PTPRD: variants seen among roughly 807,000 people sequenced by gnomAD.
PTPRD encodes protein tyrosine phosphatase receptor type D.
Under a neutral mutation model 214.5 loss-of-function variants are expected in PTPRD, and 34 were observed. That is an observed-to-expected ratio of 0.16 (90% confidence interval 0.12 to 0.21). PTPRD has a LOEUF of 0.21. Among genes scored for constraint, PTPRD ranks in the 10% least tolerant of loss-of-function variants. The probability of loss-of-function intolerance (pLI) is 1.00; values close to 1 mark genes in which losing one functional copy is unlikely to be tolerated. For synonymous variants in PTPRD, 1,128 were observed against 845.7 expected (o/e 1.33, Z -5.79); for missense variants, 2,545 against 2,398.7 (o/e 1.06, Z -1.27).
In PTPRD at chr9:10,265,006, C is replaced by T. The variant is rs952158856; in HGVS notation, c.-545+75957G>A. On this transcript the variant is annotated intron_variant, in intron 3 of 45. Transcript: ENST00000381196. The stretch of plus-strand genomic sequence containing the variant: ...TTGCCTGACACCATGTTTGACATGG[C>T]CTTCACCTTCCACCATGACTGTGAG... Among the ~76,000 whole-genome samples the T allele has an allele frequency of 2.6e-5, 4 of 152,118 alleles. No individual in the cohort carries two copies. The East Asian group carries it at 7.7e-4, about 29-fold the overall frequency.
intron 4 of PTPRD, among the ~76,000 whole-genome samples, chr9:9,964,652 A>G (rs1279559965): frequency 6.6e-6 from 1 of 152,204 alleles, no homozygotes; most frequent in Non-Finnish European, 1.5e-5. Flanking sequence ...TTTTTAAAAA[A>G]TGTTTAGTTT....
chr9:8,978,721 G>C (rs561664237), intron 11 of PTPRD, among the ~76,000 whole-genome samples: 3 of 152,114 alleles, frequency 2.0e-5, no homozygotes, highest in African/African-American at 7.2e-5. Context: ...TACTGCTTTG[G>C]AGGGAGAGAC....
At chr9:8,767,636 C>T (rs1644226024) in intron 11 of PTPRD, among the ~76,000 whole-genome samples, 1 of 152,078 alleles carries the variant, frequency 6.6e-6, no homozygotes, top group Non-Finnish European at 1.5e-5. Context: ...ACTCTAAAAG[C>T]TTTGTTAGGA....
chr9:10,181,410 G>A (rs1488913611), intron 3 of PTPRD, among the ~76,000 whole-genome samples: 1 of 152,078 alleles, frequency 6.6e-6, no homozygotes, highest in East Asian at 1.9e-4. Context: ...CAGTTGAAGT[G>A]ACTTGACATT....
chr9:9,111,973 C>T (rs1025222295), intron 10 of PTPRD, among the ~76,000 whole-genome samples: 1 of 152,060 alleles, frequency 6.6e-6, no homozygotes, highest in African/African-American at 2.4e-5. Flanking sequence ...AAATGGGGGT[C>T]CAGGCCATTG....
rs777910266 is a variant in PTPRD at position 9,058,442 on chromosome 9, G to GTTT, written c.-142-39710_-142-39708dup. ...TATTGGTGAGAGAAATATTATGAGG[G>GTTT]TTTTTTTTTTTTTTTTTTTTTTTTT... On this transcript the variant is annotated intron_variant, in intron 10 of 45. Coordinates refer to ENST00000381196, the MANE Select transcript of PTPRD (RefSeq NM_002839.4). 1.3e-3 allele frequency among the ~76,000 whole-genome samples: 90 copies of GTTT among 69,908 alleles called. 13 individuals are homozygous for GTTT. The highest frequency in any genetic ancestry group is 1.9e-3 in the Non-Finnish European group (73 of 38,070). The allele number at this position is 69,908 out of a possible 152,430, so 45.9% of individuals were successfully genotyped here. A position where few individuals can be genotyped will look rare whatever the true frequency, so the allele number is the denominator to read the frequency against.
intron 10 of PTPRD, among the ~76,000 whole-genome samples, chr9:9,077,353 G>C (rs2099752783): frequency 1.5e-5 from 2 of 130,684 alleles, no homozygotes; most frequent in Non-Finnish European, 1.7e-5. Context: ...CATAGAAGCA[G>C]AATGGGGATG....
chr9:9,867,937 C>G (rs2064400629), intron 5 of PTPRD, among the ~76,000 whole-genome samples: 1 of 152,150 alleles, frequency 6.6e-6, no homozygotes, highest in Admixed American at 6.5e-5. Flanking sequence ...ATGAGTAAGA[C>G]TGTTTTTCTC....
At chr9:9,710,627 T>A (rs1267686110) in intron 7 of PTPRD, among the ~76,000 whole-genome samples, 1 of 152,046 alleles carries the variant, frequency 6.6e-6, no homozygotes, top group Non-Finnish European at 1.5e-5. Flanking sequence ...TTTAGGAGAT[T>A]CATAAGATAA....
intron 14 of PTPRD, among the ~76,000 whole-genome samples, chr9:8,589,114 T>C (rs1171368955): frequency 6.6e-6 from 1 of 152,210 alleles, no homozygotes; most frequent in Non-Finnish European, 1.5e-5. Context: ...TTATTCAGAA[T>C]TTCTAGCGCA....
rs542670825 is a variant in PTPRD, at chr9:9,302,216, C to T, written c.-203+95233G>A. ...TCTTTTTTTAAATTGCTTTTTTTCC[C>T]GAAAATATGTTATGGCATTTCCTTC... is the stretch of plus-strand genomic sequence containing the variant. On this transcript the variant is annotated intron_variant, in intron 9 of 45. Transcript: ENST00000381196. 4.0e-5 allele frequency among the ~76,000 whole-genome samples: 6 copies of T among 151,722 alleles called. No individual in the cohort carries two copies. In the South Asian group the frequency reaches 6.2e-4, roughly 16 times the overall value.
chr9:9,684,178 C>G (rs978877314), intron 7 of PTPRD, among the ~76,000 whole-genome samples: 2 of 151,574 alleles, frequency 1.3e-5, no homozygotes, highest in African/African-American at 4.8e-5. Flanking sequence ...AAAAAAAGAC[C>G]TTTTAACATT....
At chr9:9,473,350 T>C (rs2094770710) in intron 8 of PTPRD, among the ~76,000 whole-genome samples, 1 of 152,220 alleles carries the variant, frequency 6.6e-6, no homozygotes, top group African/African-American at 2.4e-5. Context: ...TGTGCATATA[T>C]AACACATACT....
chr9:8,794,510 T>A, intron 11 of PTPRD, among the ~76,000 whole-genome samples: 1 of 38,072 alleles, frequency 2.6e-5, no homozygotes, highest in East Asian at 4.7e-4. Flanking sequence ...ACAGAAGCCA[T>A]TTTTTTTTTT....
At chr9:9,125,013 C>T (rs368989533) in intron 10 of PTPRD, among the ~76,000 whole-genome samples, 2 of 152,162 alleles carry the variant, frequency 1.3e-5, no homozygotes, top group East Asian at 3.9e-4. Context: ...TTCCTGCCAT[C>T]CCTCCCTTCA....
At chr9:9,654,240 T>C (rs2096452767) in intron 7 of PTPRD, among the ~76,000 whole-genome samples, 2 of 152,172 alleles carry the variant, frequency 1.3e-5, no homozygotes, top group Admixed American at 6.5e-5. Flanking sequence ...ATATCTTTAG[T>C]AAGAGTGAGA....
intron 7 of PTPRD, among the ~76,000 whole-genome samples, chr9:9,670,191 A>C (rs992475781): frequency 7.9e-5 from 12 of 152,162 alleles, no homozygotes; most frequent in Non-Finnish European, 1.5e-4. Context: ...TTAATGTAGA[A>C]GCAACAAGAC....
intron 10 of PTPRD, among the ~76,000 whole-genome samples, chr9:9,106,210 T>C (rs1216483210): frequency 6.6e-6 from 1 of 151,970 alleles, no homozygotes; most frequent in Non-Finnish European, 1.5e-5. Context: ...TTGAATCCTA[T>C]GAAACAGCCC....
intron 11 of PTPRD, among the ~76,000 whole-genome samples, chr9:8,903,184 G>A (rs930255187): frequency 7.3e-5 from 11 of 151,696 alleles, no homozygotes; most frequent in African/African-American, 2.7e-4. Context: ...TAGATTCACA[G>A]GTACATGTGG....
Sources: allele counts gnomAD v4.1 joint callset (sites outside exome capture counted in the v4.1 genomes callset), GRCh38; gene constraint gnomAD v4.1.1; transcripts MANE v1.5; gene names NCBI Gene and HGNC (gene_info 2026-07-23, HGNC 2026-07-21).